The following SORBS2 variants were observed in gnomAD, a reference collection of about 807,000 sequenced individuals.
SORBS2 encodes the protein sorbin and SH3 domain-containing protein 2.
In SORBS2, 46 loss-of-function variants were observed where a neutral mutation model predicts 97.7. The ratio of observed to expected loss-of-function variants is 0.47; its 90% CI spans 0.37 to 0.60. SORBS2 has a LOEUF of 0.60. Ranked by LOEUF, SORBS2 falls within the 20% of genes least tolerant of loss-of-function variation. The probability of loss-of-function intolerance (pLI) is 0.00; values close to 1 mark genes in which losing one functional copy is unlikely to be tolerated. For synonymous variants in SORBS2, 476 were observed against 473.4 expected (o/e 1.01, Z -0.07); for missense variants, 1,316 against 1,282.3 (o/e 1.03, Z -0.40).
chr4:185,920,891 C>A (rs928213324), intron 1 of SORBS2, among the ~76,000 whole-genome samples: 1 of 152,138 alleles, frequency 6.6e-6, no homozygotes, highest in African/African-American at 2.4e-5. Context: ...AATATGATGT[C>A]ATAAAGATGG....
chr4:185,649,530 G>A (rs747352950), exon 3 of SORBS2: 10 of 1,605,188 alleles, frequency 6.2e-6, no homozygotes, highest in Non-Finnish European at 7.7e-6. Context: ...ATGTGGGGGA[G>A]GCACTGGGGA....
intron 2 of SORBS2, among the ~76,000 whole-genome samples, chr4:185,709,081 G>A (rs2098388188): frequency 6.6e-6 from 1 of 152,130 alleles, no homozygotes; most frequent in South Asian, 2.1e-4. Context: ...GCAGTGGCGG[G>A]ATCTCTGCTC....
intron 2 of SORBS2, among the ~76,000 whole-genome samples, chr4:185,724,331 T>TAA (rs55986616): frequency 6.8e-6 from 1 of 147,408 alleles, no homozygotes. Flanking sequence ...CCCAGAGAGT[T>TAA]AAAAAAAAAA....
At chr4:185,881,579 A>T (rs1482324220) in intron 1 of SORBS2, among the ~76,000 whole-genome samples, 2 of 152,230 alleles carry the variant, frequency 1.3e-5, no homozygotes, top group African/African-American at 4.8e-5. Context: ...CAGGGACTAT[A>T]GCACGAATTA....
chr4:185,785,106 G>C (rs889550435), intron 1 of SORBS2, among the ~76,000 whole-genome samples: 11 of 151,894 alleles, frequency 7.2e-5, no homozygotes, highest in African/African-American at 2.4e-4. Flanking sequence ...GGGTTGCTTC[G>C]ATGGAGTTTA....
At chr4:185,824,955 G>C (rs1345899172) in intron 1 of SORBS2, among the ~76,000 whole-genome samples, 1 of 152,156 alleles carries the variant, frequency 6.6e-6, no homozygotes, top group East Asian at 1.9e-4. Flanking sequence ...TGATCAGGGG[G>C]CTTCCAGGTT....
chr4:185,655,951 A>C (rs2097393903), intron 1 of SORBS2, among the ~76,000 whole-genome samples: 1 of 152,202 alleles, frequency 6.6e-6, no homozygotes, highest in Non-Finnish European at 1.5e-5. Context: ...AATTTTGTCT[A>C]TACTATGCCT....
At chr4:185,724,996 T>G (rs748820144) in intron 2 of SORBS2, among the ~76,000 whole-genome samples, 15 of 151,994 alleles carry the variant, frequency 9.9e-5, no homozygotes, top group Non-Finnish European at 4.4e-5. Context: ...TTCAGCACCT[T>G]GCATATCTTT....
At chr4:185,679,875 T>C (rs571696399) in intron 2 of SORBS2, among the ~76,000 whole-genome samples, 1 of 152,366 alleles carries the variant, frequency 6.6e-6, no homozygotes, top group South Asian at 2.1e-4. Flanking sequence ...AAAAATGGGC[T>C]GAGAAATGCG....
At chr4:185,616,883 G>A (rs2096636492) in intron 9 of SORBS2, among the ~76,000 whole-genome samples, 1 of 152,036 alleles carries the variant, frequency 6.6e-6, no homozygotes, top group African/African-American at 2.4e-5. Context: ...TGAGTAGCTG[G>A]GATTACAGGC....
At chr4:185,643,190 C>G (rs547950322) in intron 4 of SORBS2, among the ~76,000 whole-genome samples, 103 of 152,292 alleles carry the variant, frequency 6.8e-4, no homozygotes, top group African/African-American at 2.3e-3. Flanking sequence ...AGGCACATTC[C>G]CTGGGGGAGG....
chr4:185,752,751 C>T (rs534457698), intron 2 of SORBS2, among the ~76,000 whole-genome samples: 11 of 152,204 alleles, frequency 7.2e-5, no homozygotes, highest in African/African-American at 1.9e-4. Context: ...TTGAAAGAAG[C>T]GACAACTTAA....
At chr4:185,916,999 G>T (rs534845885) in intron 1 of SORBS2, among the ~76,000 whole-genome samples, 1 of 152,306 alleles carries the variant, frequency 6.6e-6, no homozygotes, top group South Asian at 2.1e-4. Context: ...CAACCTCATG[G>T]GAGGGTAGAG....
Position 185,629,948 on chromosome 4 carries a change from G to A in SORBS2, c.446+601C>T, listed in dbSNP as rs140832555. On this transcript the variant is annotated intron_variant, in intron 5 of 14. Transcript: ENST00000418609. The stretch of plus-strand genomic sequence containing the variant: ...AACTCTGAGGGAAGTTAGGCCTAGC[G>A]GTGACAAGCTATCTTGCCTCAATTT... Among the ~76,000 whole-genome samples the A allele has an allele frequency of 4.9e-3, 752 of 152,232 alleles. 1 individual carries two copies. Among genetic ancestry groups the A allele is most frequent in the Non-Finnish European group, 8.6e-3 (586 of 68,034 alleles).
intron 1 of SORBS2, among the ~76,000 whole-genome samples, chr4:185,825,991 C>T (rs907122586): frequency 7.9e-5 from 12 of 152,206 alleles, no homozygotes; most frequent in South Asian, 4.2e-4. Flanking sequence ...AGTCTTTCTG[C>T]GGTTAAACAA....
At chr4:185,699,355 C>T (rs1185895186) in intron 2 of SORBS2, among the ~76,000 whole-genome samples, 1 of 141,530 alleles carries the variant, frequency 7.1e-6, no homozygotes, top group Non-Finnish European at 1.5e-5. Context: ...GGTGCAATCT[C>T]GGCTCACCGC....
chr4:185,588,024 G>C (rs1445995380), intron 14 of SORBS2: 1 of 230,676 alleles, frequency 4.3e-6, no homozygotes, highest in Non-Finnish European at 8.5e-6. Context: ...CCAGAGTCGG[G>C]GGTGAGGGAT....
At chr4:185,792,262 G>C (rs537393863) in intron 1 of SORBS2, among the ~76,000 whole-genome samples, 1 of 152,342 alleles carries the variant, frequency 6.6e-6, no homozygotes, top group East Asian at 1.9e-4. Flanking sequence ...GGGAGGCCAA[G>C]ATGGGAGGAT....
At chr4:185,634,142 T>C (rs2096954383) in intron 4 of SORBS2, among the ~76,000 whole-genome samples, 1 of 152,188 alleles carries the variant, frequency 6.6e-6, no homozygotes, top group Non-Finnish European at 1.5e-5. Context: ...TATATAAATA[T>C]TTTGATCACT....
Sources: gnomAD v4.1 joint callset for allele counts (sites outside exome capture counted in the v4.1 genomes callset) on GRCh38, gnomAD v4.1.1 for gene constraint, MANE v1.5 for transcripts, NCBI Gene and HGNC (gene_info 2026-07-23, HGNC 2026-07-21) for gene names.